The following NCBP2L variants were observed in gnomAD, a reference collection of about 807,000 sequenced individuals.
NCBP2L encodes the protein nuclear cap-binding protein subunit 2-like.
For missense variants in NCBP2L, 95 were observed against 53.1 expected, an observed-to-expected ratio of 1.79 and a Z score of -2.45; for synonymous variants, 39 against 19.2, an observed-to-expected ratio of 2.04 and a Z score of -2.70.
rs375377137 is a variant in NCBP2L, at chrX:107,794,721, G to A, written c.*39G>A. 1.8e-4 allele frequency: 97 copies of A among 528,521 alleles called. No individual in the cohort carries two copies. In the African/African-American group the frequency reaches 2.1e-3, roughly 12 times the overall value. 43.6% of individuals were successfully genotyped at this position (528,521 alleles called of 1,213,427 possible). A position where few individuals can be genotyped will look rare whatever the true frequency, so the allele number is the denominator to read the frequency against. ...GAAAAAGTTTTAACTCTAACCCCTTGAAAAGTGTGTTATAGACCAACCTCA... is the reference window on the plus strand; with the variant it reads ...GAAAAAGTTTTAACTCTAACCCCTTAAAAAGTGTGTTATAGACCAACCTCA... On this transcript the variant is annotated 3_prime_UTR_variant, in exon 2 of 2. Coordinates refer to ENST00000509000, the MANE Select transcript of NCBP2L (RefSeq NM_001348372.2).
intron 1 of NCBP2L, among the ~76,000 whole-genome samples, chrX:107,780,094 T>A (rs1007088277): frequency 1.1e-4 from 12 of 110,990 alleles, no homozygotes; most frequent in African/African-American, 3.6e-4. Flanking sequence ...CTGTGGCCCA[T>A]GCCTATAATC....
At chrX:107,783,353 C>A (rs1186214384) in intron 1 of NCBP2L, among the ~76,000 whole-genome samples, 1 of 82,561 alleles carries the variant, frequency 1.2e-5, no homozygotes, top group Non-Finnish European at 2.3e-5. Flanking sequence ...CATGGTGGCA[C>A]TTGCCTTTTT....
rs148503623 is a variant in NCBP2L at position 107,779,269 on chromosome X, A to G, written c.-73+1411A>G. On this transcript the variant is annotated intron_variant, in intron 1 of 1. Transcript: ENST00000509000. ...ATACCTGTAGTAACAGTAATGTGAC[A>G]TAAAATTGTGATTTCTATTGGGGAC... Among the ~76,000 whole-genome samples, 47 of 112,452 alleles carry G rather than the reference A, an allele frequency of 4.2e-4. No homozygotes were observed. The East Asian group carries it at 0.011, about 27-fold the overall frequency.
intron 1 of NCBP2L, among the ~76,000 whole-genome samples, chrX:107,784,542 G>A (rs1930370604): frequency 9.1e-6 from 1 of 109,943 alleles, no homozygotes; most frequent in South Asian, 3.9e-4. Flanking sequence ...ATGTCTGCAA[G>A]CATGCTTATG....
At chrX:107,791,402 G>A (rs759037923) in intron 1 of NCBP2L, among the ~76,000 whole-genome samples, 1 of 111,054 alleles carries the variant, frequency 9.0e-6, no homozygotes, top group Non-Finnish European at 1.9e-5. Context: ...ATGCCACCAC[G>A]CCATGCTAAT....
rs868315442 is a variant in NCBP2L at position 107,794,300 on chromosome X, G to T, written c.80G>T (p.Arg27Leu). The T allele has an allele frequency of 1.8e-6, 1 of 569,521 alleles. No individual in the cohort carries two copies. Among genetic ancestry groups the T allele is most frequent in the Non-Finnish European group, 3.2e-6 (1 of 309,243 alleles). 46.9% of individuals were successfully genotyped at this position (569,521 alleles called of 1,213,427 possible). Reference sequence around the variant, plus strand: ...TACCGGGACCATCAGTTCAGTGGCCGTAAATTTCAGCAGGAAAAATTACTG... The same window carrying T: ...TACCGGGACCATCAGTTCAGTGGCCTTAAATTTCAGCAGGAAAAATTACTG... ...SCYRDHQFSG[R>L]KFQQEKLLKE... is the part of the protein sequence containing the mutation. The change falls in exon 2 of 2, where the codon CGT becomes CTT. Residue 27 changes from arginine to leucine, a missense_variant. Arg to Leu is a moderately radical substitution (Grantham distance 102). Transcript: ENST00000509000.
chrX:107,784,748 ATCAC>A (rs747072574), intron 1 of NCBP2L, among the ~76,000 whole-genome samples: 128 of 100,978 alleles, frequency 1.3e-3, no homozygotes, highest in African/African-American at 4.7e-3. Context: ...AGGCGGGTGG[ATCAC>A]TTAAGCTCAG....
Position 107,777,795 on chromosome X carries a change from C to T in NCBP2L, c.-136C>T. ...GAAAATGGAGGTGGGGTTGTGGTCT[C>T]TATGCTGTAGCAGCCGGAAAGCCAA... On this transcript the variant is annotated 5_prime_UTR_variant, in exon 1 of 2. Coordinates refer to ENST00000509000, the MANE Select transcript of NCBP2L (RefSeq NM_001348372.2). The T allele has an allele frequency of 9.0e-6, 1 of 111,359 alleles. No individual in the cohort carries two copies. Among genetic ancestry groups the T allele is most frequent in the South Asian group, 3.8e-4 (1 of 2,648 alleles). 9.2% of individuals were successfully genotyped at this position (111,359 alleles called of 1,213,427 possible).
chrX:107,778,129 T>C (rs1357436706), intron 1 of NCBP2L, among the ~76,000 whole-genome samples: 1 of 111,760 alleles, frequency 8.9e-6, no homozygotes, highest in African/African-American at 3.3e-5. Flanking sequence ...ACAGTGTTTA[T>C]GTTTTTTCCT....
intron 1 of NCBP2L, among the ~76,000 whole-genome samples, chrX:107,781,236 G>T (rs1930261812): frequency 1.2e-5 from 1 of 85,204 alleles, no homozygotes; most frequent in African/African-American, 4.9e-5. Context: ...TTTTTTTTTG[G>T]ACAGTATTTG....
Position 107,794,521 on chromosome X carries a change from G to T in NCBP2L, c.301G>T (p.Gly101Trp). The change falls in exon 2 of 2, where the codon GGG becomes TGG. Residue 101 changes from glycine to tryptophan, a missense_variant. By Grantham distance (184) the Gly-to-Trp change is radical. Transcript: ENST00000509000. Reference protein sequence around the residue: ...DAENAMRFLTGTCLDEWIICT... With the variant: ...DAENAMRFLTWTCLDEWIICT... ...TGAAAATGCCATGCGGTTTCTAACT[G>T]GGACCTGCCTAGATGAATGGATTAT... 1 of 570,070 alleles carries T rather than the reference G, an allele frequency of 1.8e-6. No individual in the cohort carries two copies. The highest frequency in any genetic ancestry group is 3.2e-6 in the Non-Finnish European group (1 of 309,478). The allele number at this position is 570,070 out of a possible 1,213,427, so 47.0% of individuals were successfully genotyped here.
chrX:107,789,182 T>C (rs1278620282), intron 1 of NCBP2L, among the ~76,000 whole-genome samples: 1 of 101,209 alleles, frequency 9.9e-6, no homozygotes, highest in Non-Finnish European at 2.0e-5. Flanking sequence ...CTCTTTTTTT[T>C]TTTTTTTTTT....
At chrX:107,778,013 T>TGTCA (rs200147129) in intron 1 of NCBP2L, among the ~76,000 whole-genome samples, 155 bp downstream of exon 1, 1 of 93,908 alleles carries the variant, frequency 1.1e-5, no homozygotes, top group African/African-American at 4.1e-5. Flanking sequence ...TCTTCTTCGC[T>TGTCA]TTTTTTTTTT....
At chrX:107,784,567 C>T (rs1031216324) in intron 1 of NCBP2L, among the ~76,000 whole-genome samples, 1 of 109,899 alleles carries the variant, frequency 9.1e-6, no homozygotes, top group African/African-American at 3.3e-5. Context: ...GAACTTTTCC[C>T]GATAACAATC....
intron 1 of NCBP2L, among the ~76,000 whole-genome samples, chrX:107,788,470 T>C (rs920150670): frequency 6.2e-5 from 7 of 112,751 alleles, no homozygotes; most frequent in African/African-American, 2.3e-4. Context: ...AACCATCTCT[T>C]TGCTAGACTA....
intron 1 of NCBP2L, among the ~76,000 whole-genome samples, chrX:107,781,598 C>T (rs1930270158): frequency 1.0e-5 from 1 of 99,714 alleles, no homozygotes; most frequent in Non-Finnish European, 2.0e-5. Flanking sequence ...CAGGCGTGAG[C>T]CACCACACCC....
At chrX:107,781,702 A>ATATATATATATATC (rs1569457120) in intron 1 of NCBP2L, among the ~76,000 whole-genome samples, 1 of 68,196 alleles carries the variant, frequency 1.5e-5, no homozygotes, top group Admixed American at 1.5e-4. Context: ...CTATATATAT[A>ATATATATATATATC]TATATATAGA....
chrX:107,792,078 G>A (rs367589860), intron 1 of NCBP2L, among the ~76,000 whole-genome samples: 1 of 112,312 alleles, frequency 8.9e-6, no homozygotes, highest in Non-Finnish European at 1.9e-5. Flanking sequence ...TTATAAATGA[G>A]CCAAACAAGA....
In NCBP2L at chrX:107,794,923, G is replaced by T. The variant is rs763360953; in HGVS notation, c.*241G>T. The stretch of plus-strand genomic sequence containing the variant: ...GGTGGTCCAAAGTGAAGTGTTCTTC[G>T]GGAACAAATTAGGTATGTAAGATCA... On this transcript the variant is annotated 3_prime_UTR_variant, in exon 2 of 2. Transcript: ENST00000509000. The T allele has an allele frequency of 1.2e-5, 3 of 251,137 alleles. No homozygotes were observed. The highest frequency in any genetic ancestry group is 1.2e-3 in the Middle Eastern group (1 of 820). The allele number at this position is 251,137 out of a possible 1,213,427, so 20.7% of individuals were successfully genotyped here. A position where few individuals can be genotyped will look rare whatever the true frequency, so the allele number is the denominator to read the frequency against.
Sources: allele counts gnomAD v4.1 joint callset (sites outside exome capture counted in the v4.1 genomes callset), GRCh38; gene constraint gnomAD v4.1.1; transcripts MANE v1.5; gene names NCBI Gene and HGNC (gene_info 2026-07-23, HGNC 2026-07-21).